Variants in AMBRA1 observed in about 807,000 individuals in gnomAD.
AMBRA1 encodes the protein activating molecule in BECN1-regulated autophagy protein 1.
A neutral mutation model predicts 125.4 loss-of-function variants in AMBRA1; 47 were observed. The observed-to-expected ratio is 0.37, with a 90% CI of 0.30 to 0.48. The LOEUF (loss-of-function observed/expected upper bound fraction) is 0.48. AMBRA1 is among the 20% of genes least tolerant of loss of function. The probability of loss-of-function intolerance (pLI) is 0.99; values close to 1 mark genes in which losing one functional copy is unlikely to be tolerated. For missense variants in AMBRA1, 1,331 were observed against 1,693.4 expected, an observed-to-expected ratio of 0.79 and a Z score of 3.76; for synonymous variants, 626 against 655.5, an observed-to-expected ratio of 0.95 and a Z score of 0.69.
intron 9 of AMBRA1, among the ~76,000 whole-genome samples, chr11:46,507,350 G>A (rs1364365674): frequency 6.6e-6 from 1 of 151,494 alleles, no homozygotes; most frequent in African/African-American, 2.4e-5. Flanking sequence ...GCGGTGGCGG[G>A]CGCCTGTAGT....
At chr11:46,426,805 T>A (rs1947158353) in intron 14 of AMBRA1, among the ~76,000 whole-genome samples, 1 of 152,226 alleles carries the variant, frequency 6.6e-6, no homozygotes, top group Non-Finnish European at 1.5e-5. Context: ...AGAAAATTAA[T>A]GAGGACAAAA....
At chr11:46,470,156 T>A (rs956112800) in intron 11 of AMBRA1, among the ~76,000 whole-genome samples, 1 of 152,136 alleles carries the variant, frequency 6.6e-6, no homozygotes, top group Admixed American at 6.5e-5. Context: ...AAAGCTTTCA[T>A]TCAAGACTGG....
intron 1 of AMBRA1, among the ~76,000 whole-genome samples, chr11:46,590,928 G>C (rs200478769): frequency 1.4e-4 from 20 of 146,874 alleles, no homozygotes; most frequent in Admixed American, 6.8e-4. Flanking sequence ...AAAAAAAAAA[G>C]AAAAACAAAA....
chr11:46,473,978 T>C (rs1949712753), intron 11 of AMBRA1, among the ~76,000 whole-genome samples: 1 of 152,164 alleles, frequency 6.6e-6, no homozygotes, highest in Non-Finnish European at 1.5e-5. Flanking sequence ...TTAAAGAAGG[T>C]AACTTAATTT....
chr11:46,492,889 A>G (rs1950513912), intron 11 of AMBRA1, among the ~76,000 whole-genome samples: 1 of 152,082 alleles, frequency 6.6e-6, no homozygotes, highest in African/African-American at 2.4e-5. Context: ...CTCTACTAAA[A>G]ATACAAAAAA....
At chr11:46,548,622 A>G (rs2135191789) in intron 1 of AMBRA1, 122 bp from the exon 2 acceptor site, 2 of 484,544 alleles carry the variant, frequency 4.1e-6, no homozygotes, top group Non-Finnish European at 7.2e-6. Context: ...TTTCTCAGAA[A>G]AGACCCTTCC....
At chr11:46,507,760 G>A (rs1379927047) in intron 9 of AMBRA1, among the ~76,000 whole-genome samples, 1 of 152,166 alleles carries the variant, frequency 6.6e-6, no homozygotes, top group African/African-American at 2.4e-5. Flanking sequence ...GCCTCTTAGG[G>A]AAATCCAAGT....
In AMBRA1 at chr11:46,538,234, C is replaced by T. The variant is rs183852504; in HGVS notation, c.2072+3711G>A. The stretch of plus-strand genomic sequence containing the variant: ...GTCAGCCCTTATGGTATACGACATC[C>T]TAGCTCATTTAAAAGTGATTCCATA... On this transcript the variant is annotated intron_variant, in intron 7 of 17. Transcript: ENST00000683756. Among the ~76,000 whole-genome samples the T allele has an allele frequency of 5.3e-5, 8 of 152,300 alleles. No homozygotes were observed. The South Asian group carries it at 1.2e-3, about 24-fold the overall frequency.
At chr11:46,402,112 G>A (rs535752215) in intron 17 of AMBRA1, among the ~76,000 whole-genome samples, 1 of 152,168 alleles carries the variant, frequency 6.6e-6, no homozygotes, top group African/African-American at 2.4e-5. Context: ...CTCCTTCTCT[G>A]GGACCTCACA....
chr11:46,480,922 C>T (rs767305893), intron 11 of AMBRA1, among the ~76,000 whole-genome samples: 5 of 152,168 alleles, frequency 3.3e-5, no homozygotes, highest in Non-Finnish European at 7.3e-5. Context: ...AGAGGGATCT[C>T]TAACCCTTCA....
intron 9 of AMBRA1, among the ~76,000 whole-genome samples, chr11:46,497,148 A>T (rs12418809): frequency 7.9e-5 from 12 of 152,000 alleles, no homozygotes; most frequent in Admixed American, 7.9e-4. Context: ...TAAAATAAAA[A>T]AATAAAGGGA....
chr11:46,497,002 C>T (rs964923143), intron 9 of AMBRA1, among the ~76,000 whole-genome samples: 1 of 151,898 alleles, frequency 6.6e-6, no homozygotes, highest in Non-Finnish European at 1.5e-5. Context: ...ATCTCAGCTA[C>T]TTGGGAGGTT....
chr11:46,547,446 CAG>C, intron 3 of AMBRA1, 150 bp from the exon 4 acceptor site: 1 of 679,124 alleles, frequency 1.5e-6, no homozygotes. Context: ...TATCTACAAA[CAG>C]AAATATTCTG....
intron 11 of AMBRA1, among the ~76,000 whole-genome samples, chr11:46,481,222 C>A (rs1590918403): frequency 6.6e-6 from 1 of 152,180 alleles, no homozygotes; most frequent in African/African-American, 2.4e-5. Flanking sequence ...CCGCCCCAGC[C>A]TTCTTCCCAA....
At chr11:46,484,450 T>C (rs150777508) in intron 11 of AMBRA1, among the ~76,000 whole-genome samples, 5 of 152,298 alleles carry the variant, frequency 3.3e-5, no homozygotes, top group African/African-American at 1.2e-4. Context: ...CACACAACCA[T>C]GGGATTTAAT....
chr11:46,492,872 AC>A (rs1218217008), intron 11 of AMBRA1, among the ~76,000 whole-genome samples: 2 of 152,030 alleles, frequency 1.3e-5, no homozygotes, highest in East Asian at 1.9e-4. Context: ...ACACGTTGAA[AC>A]CCCCTCTCTA....
chr11:46,418,244 T>C, intron 14 of AMBRA1, among the ~76,000 whole-genome samples, 192 bp from the exon 15 acceptor site: 1 of 144,476 alleles, frequency 6.9e-6, no homozygotes, highest in South Asian at 2.1e-4. Context: ...TAAATATATA[T>C]AATATATATT....
intron 11 of AMBRA1, among the ~76,000 whole-genome samples, chr11:46,485,221 A>G (rs1950224951): frequency 6.6e-6 from 1 of 152,236 alleles, no homozygotes; most frequent in Non-Finnish European, 1.5e-5. Context: ...TACAGGCGTG[A>G]GCCCCTATGC....
chr11:46,576,041 C>T (rs2135292952), intron 1 of AMBRA1, among the ~76,000 whole-genome samples: 1 of 152,302 alleles, frequency 6.6e-6, no homozygotes, highest in Non-Finnish European at 1.5e-5. Flanking sequence ...TCTCAAATCA[C>T]ACACTCTATG....
Sources: gnomAD v4.1 joint callset for allele counts (sites outside exome capture counted in the v4.1 genomes callset) on GRCh38, gnomAD v4.1.1 for gene constraint, MANE v1.5 for transcripts, NCBI Gene and HGNC (gene_info 2026-07-23, HGNC 2026-07-21) for gene names.